ZFPM1: variants seen among roughly 807,000 people sequenced by gnomAD.
The protein encoded by ZFPM1 is zinc finger protein, FOG family member 1, also known as zinc finger protein ZFPM1.
Under a neutral mutation model 46.3 loss-of-function variants are expected in ZFPM1, and 28 were observed. The observed-to-expected ratio is 0.60, with a 90% CI of 0.45 to 0.83. ZFPM1 has a LOEUF of 0.83. Ranked by LOEUF, ZFPM1 falls within the 40% of genes least tolerant of loss-of-function variation. The pLI, the probability that ZFPM1 is intolerant of heterozygous loss-of-function variation, is 0.00. For missense variants in ZFPM1, 1,878 were observed against 1,432.4 expected (o/e 1.31, Z -5.02); for synonymous variants, 957 against 675.9 (o/e 1.42, Z -6.45).
At chr16:88,517,482 GGA>G (rs1911412554) in intron 4 of ZFPM1, among the ~76,000 whole-genome samples, 4 of 134,644 alleles carry the variant, frequency 3.0e-5, no homozygotes, top group South Asian at 4.4e-4. Flanking sequence ...CTGGGTGGAT[GGA>G]TGGATGGATG....
intron 1 of ZFPM1, among the ~76,000 whole-genome samples, chr16:88,474,567 C>T (rs915819542): frequency 2.6e-5 from 4 of 152,194 alleles, no homozygotes; most frequent in South Asian, 2.1e-4. Flanking sequence ...TGCAGGGCTC[C>T]GTCCCACTTC....
At chr16:88,489,770 C>T (rs535430938) in intron 3 of ZFPM1, among the ~76,000 whole-genome samples, 11 of 152,382 alleles carry the variant, frequency 7.2e-5, no homozygotes, top group African/African-American at 2.4e-4. Flanking sequence ...CCTGTGGCCC[C>T]TTCGGGGACT....
chr16:88,518,003 G>A (rs1567548577), intron 4 of ZFPM1, among the ~76,000 whole-genome samples: 1 of 152,138 alleles, frequency 6.6e-6, no homozygotes, highest in Admixed American at 6.5e-5. Flanking sequence ...GAAGTCAGGA[G>A]ATCGAGACCA....
intron 3 of ZFPM1, among the ~76,000 whole-genome samples, chr16:88,512,623 G>C (rs1911035874): frequency 1.3e-5 from 2 of 151,996 alleles, no homozygotes; most frequent in South Asian, 4.1e-4. Flanking sequence ...AAGCGTTTCT[G>C]ACAGTCCGGA....
chr16:88,488,296 G>A (rs879598278), intron 2 of ZFPM1, among the ~76,000 whole-genome samples: 13 of 152,144 alleles, frequency 8.5e-5, no homozygotes, highest in South Asian at 4.1e-4. Context: ...GCATGGGGGC[G>A]GGGGTGGGGC....
Position 88,534,317 on chromosome 16 carries a change from C to T in ZFPM1, c.2359C>T (p.Pro787Ser), listed in dbSNP as rs767053529. ...SGPGLAPARS[P>S]GPAADGPIDL... is the part of the protein sequence containing the mutation. The stretch of plus-strand genomic sequence containing the variant: ...CCCCGGCCTCGCCCCTGCGCGCTCG[C>T]CCGGCCCCGCGGCCGACGGCCCCAT... The change falls in exon 10 of 10, where the codon CCC becomes TCC. Residue 787 changes from proline (P) to serine (S), a missense_variant. Pro to Ser is a moderately conservative substitution (Grantham distance 74, BLOSUM62 -1). Coordinates refer to ENST00000319555, the MANE Select transcript of ZFPM1 (RefSeq NM_153813.3). The T allele has an allele frequency of 1.4e-4, 189 of 1,325,596 alleles. 3 individuals carry two copies. Among genetic ancestry groups the T allele is most frequent in the East Asian group, 9.9e-4 (28 of 28,168 alleles). 82.1% of individuals were successfully genotyped at this position (1,325,596 alleles called of 1,614,324 possible).
intron 1 of ZFPM1, among the ~76,000 whole-genome samples, chr16:88,467,493 T>C (rs1437010753): frequency 6.6e-6 from 1 of 152,240 alleles, no homozygotes. Flanking sequence ...TGGGCTTTGC[T>C]GCCTTTTCCT....
chr16:88,483,989 C>T (rs1033004958), intron 1 of ZFPM1, among the ~76,000 whole-genome samples: 2 of 152,226 alleles, frequency 1.3e-5, no homozygotes, highest in South Asian at 2.1e-4. Context: ...CTGAACCTGG[C>T]GTTGGACGCT....
rs780022996 is a variant in ZFPM1, at chr16:88,486,038, G to A, written c.140G>A (p.Ser47Asn). The change falls in exon 2 of 10, where the codon AGC becomes AAC. Residue 47 changes from serine (S) to asparagine (N), a missense_variant. Transcript: ENST00000319555. ...GCACCTGAAGCCCCGAGCCCTCCCA[G>A]CGCAGGTGAGTCAGACTGAGCCCTC... ...ATAPEAPSPPSADVNSPPPLP... is the reference protein window; with the variant it reads ...ATAPEAPSPPNADVNSPPPLP... 1.2e-6 allele frequency: 2 copies of A among 1,611,494 alleles called. No individual in the cohort carries two copies. Among genetic ancestry groups the A allele is most frequent in the Non-Finnish European group, 1.7e-6 (2 of 1,179,518 alleles).
At chr16:88,533,121 G>A in intron 9 of ZFPM1, 27 bp from the exon 10 acceptor site, 1 of 1,468,690 alleles carries the variant, frequency 6.8e-7, no homozygotes, top group Non-Finnish European at 9.0e-7. Flanking sequence ...CCAGGCCTGA[G>A]GTGCCACCCC....
At chr16:88,511,961 C>A (rs1910989752) in intron 3 of ZFPM1, among the ~76,000 whole-genome samples, 4 of 152,212 alleles carry the variant, frequency 2.6e-5, no homozygotes, top group African/African-American at 7.2e-5. Context: ...GATCCCTGGA[C>A]TCCTTGGAGG....
In ZFPM1 at chr16:88,460,877, C is replaced by G. The variant is rs1057302998; in HGVS notation, c.40+7199C>G. ...CCCAGCTGTTCATGGGGCCACTGGG[C>G]AGGCTAAGGACTGAGGGATGGGAGG... On this transcript the variant is annotated intron_variant, in intron 1 of 9. Transcript: ENST00000319555. Among the ~76,000 whole-genome samples, 19 of 149,682 alleles carry G rather than the reference C, an allele frequency of 1.3e-4. No homozygotes were observed. In the Admixed American group the frequency reaches 1.3e-3, roughly 10 times the overall value.
At chr16:88,523,168 C>T (rs1343788479) in intron 4 of ZFPM1, among the ~76,000 whole-genome samples, 20 of 150,336 alleles carry the variant, frequency 1.3e-4, no homozygotes, top group African/African-American at 4.4e-4. Flanking sequence ...ATCATGCCAT[C>T]GCACTCCAGG....
At chr16:88,459,492 G>A (rs760003701) in intron 1 of ZFPM1, among the ~76,000 whole-genome samples, 3 of 151,864 alleles carry the variant, frequency 2.0e-5, no homozygotes, top group Non-Finnish European at 2.9e-5. Context: ...CCTGTTATCC[G>A]AGACAGCTGC....
Position 88,479,543 on chromosome 16 carries a change from C to T in ZFPM1, c.41-6396C>T, listed in dbSNP as rs114257525. On this transcript the variant is annotated intron_variant, in intron 1 of 9. Coordinates refer to ENST00000319555, the MANE Select transcript of ZFPM1 (RefSeq NM_153813.3). ...TCAACAGAGCGAGCGGGGCCGTCCC[C>T]GTCTCCTCTCTGTCCCCACCGTGGC... 4.1e-3 allele frequency among the ~76,000 whole-genome samples: 623 copies of T among 152,188 alleles called. 4 individuals are homozygous for T. The highest frequency in any genetic ancestry group is 0.015 in the African/African-American group (606 of 41,508).
chr16:88,494,208 C>T lies in ZFPM1; in HGVS notation c.268+5055C>T, dbSNP rs541299783. On this transcript the variant is annotated intron_variant, in intron 3 of 9. Coordinates refer to ENST00000319555, the MANE Select transcript of ZFPM1 (RefSeq NM_153813.3). ...TGCGGGCAGGTTCTACGGGGAGAAG[C>T]CGCCATCTGCAACCTGGAACTCCCC... Among the ~76,000 whole-genome samples, 5 of 152,220 alleles carry T rather than the reference C, an allele frequency of 3.3e-5. No individual in the cohort carries two copies. The East Asian group carries it at 9.7e-4, about 29-fold the overall frequency.
At chr16:88,474,480 A>C (rs1297943131) in intron 1 of ZFPM1, among the ~76,000 whole-genome samples, 1 of 151,984 alleles carries the variant, frequency 6.6e-6, no homozygotes, top group Non-Finnish European at 1.5e-5. Context: ...CACGGTGCCC[A>C]GAATAAAACC....
chr16:88,477,695 A>C (rs1908748621), intron 1 of ZFPM1, among the ~76,000 whole-genome samples: 1 of 152,270 alleles, frequency 6.6e-6, no homozygotes, highest in African/African-American at 2.4e-5. Context: ...ACCCCGTCTC[A>C]AAAAAGAAAA....
At chr16:88,527,972 T>C (rs2142478507) in intron 5 of ZFPM1, 60 bp from the exon 6 acceptor site, 1 of 1,459,352 alleles carries the variant, frequency 6.9e-7, no homozygotes, top group East Asian at 2.5e-5. Context: ...GCCCCTTGTT[T>C]AAGACGGGAC....
Sources: gnomAD v4.1 joint callset for allele counts (sites outside exome capture counted in the v4.1 genomes callset) on GRCh38, gnomAD v4.1.1 for gene constraint, MANE v1.5 for transcripts, NCBI Gene and HGNC (gene_info 2026-07-23, HGNC 2026-07-21) for gene names.